The following PRR9 variants were observed in gnomAD, a reference collection of about 807,000 sequenced individuals.
PRR9 encodes the protein proline-rich protein 9.
In PRR9, 3 loss-of-function variants were observed where a neutral mutation model predicts 2.6. The ratio of observed to expected loss-of-function variants is 1.15; its 90% confidence interval spans 0.53 to 2.98. The LOEUF is 2.98. PRR9 is among the 30% of genes most tolerant of loss of function. PRR9 has a pLI of 0.03. For missense variants in PRR9, 141 were observed against 132.0 expected (o/e 1.07, Z -0.33); for synonymous variants, 48 against 50.4 (o/e 0.95, Z 0.20).
chr1:153,218,032 C>A, intron 1 of PRR9, 93 bp from the exon 2 acceptor site: 1 of 802,392 alleles, frequency 1.2e-6, no homozygotes. Flanking sequence ...GTTCTTCCAT[C>A]CACTCCTCAT....
Position 153,218,721 on chromosome 1 carries a change from G to T in PRR9, c.*226G>T. 1.9e-6 allele frequency: 1 copy of T among 532,576 alleles called. No individual in the cohort carries two copies. The highest frequency in any genetic ancestry group is 3.3e-5 in the East Asian group (1 of 30,376). The allele number at this position is 532,576 out of a possible 1,614,324, so 33.0% of individuals were successfully genotyped here. A position where few individuals can be genotyped will look rare whatever the true frequency, so the allele number is the denominator to read the frequency against. Reference sequence around the variant, plus strand: ...ATTGTTCTCAGCAGTCTGATGGAAGGTCTCAAATGTAGGAATGGTGTGGTT... The same window carrying T: ...ATTGTTCTCAGCAGTCTGATGGAAGTTCTCAAATGTAGGAATGGTGTGGTT... On this transcript the variant is annotated 3_prime_UTR_variant, in exon 2 of 2. Transcript: ENST00000368744.
chr1:153,218,213 G>C lies in PRR9; in HGVS notation c.69G>C (p.Glu23Asp). The C allele has an allele frequency of 6.4e-7, 1 of 1,550,714 alleles. No homozygotes were observed. Among genetic ancestry groups the C allele is most frequent in the Non-Finnish European group, 8.7e-7 (1 of 1,147,024 alleles). ...VPPPCLPKTQEQCQAKAEEVC... is the reference protein window; with the variant it reads ...VPPPCLPKTQDQCQAKAEEVC... ...CTCCATGCCTCCCAAAGACCCAGGAGCAGTGCCAAGCAAAGGCTGAGGAGG... is the reference window on the plus strand; with the variant it reads ...CTCCATGCCTCCCAAAGACCCAGGACCAGTGCCAAGCAAAGGCTGAGGAGG... The change falls in exon 2 of 2, where the codon GAG becomes GAC. Residue 23 changes from glutamate (E) to aspartate (D), a missense_variant. Coordinates refer to ENST00000368744, the MANE Select transcript of PRR9 (RefSeq NM_001195571.2).
chr1:153,217,760 AT>A, intron 1 of PRR9, 141 bp downstream of exon 1: 1 of 210,880 alleles, frequency 4.7e-6, no homozygotes, highest in East Asian at 1.3e-4. Flanking sequence ...TATCCTGTAT[AT>A]TCTATCCAGA....
Position 153,218,044 on chromosome 1 carries a change from CCT to C in PRR9, c.-20-78_-20-77del, listed in dbSNP as rs1657960294. 7.1e-5 allele frequency: 65 copies of C among 920,914 alleles called. No homozygotes were observed. In the South Asian group the frequency reaches 1.1e-3, roughly 15 times the overall value. The allele number at this position is 920,914 out of a possible 1,614,324, so 57.0% of individuals were successfully genotyped here. A position where few individuals can be genotyped will look rare whatever the true frequency, so the allele number is the denominator to read the frequency against. Reference sequence around the variant, plus strand: ...TTAGTTCTTCCATCCACTCCTCATTCCTCTTTCTCAACCCTTCATTCCCCAGT... The same window carrying C: ...TTAGTTCTTCCATCCACTCCTCATTCCTTTCTCAACCCTTCATTCCCCAGT... On this transcript the variant is annotated intron_variant, in intron 1 of 1. Coordinates refer to ENST00000368744, the MANE Select transcript of PRR9 (RefSeq NM_001195571.2).
At position 153,218,325 on chromosome 1, in the gene PRR9, A is replaced by G; in HGVS notation, c.181A>G (p.Ser61Gly). The G allele has an allele frequency of 6.4e-7, 1 of 1,550,640 alleles. No individual in the cohort carries two copies. Among genetic ancestry groups the G allele is most frequent in the South Asian group, 1.2e-5 (1 of 84,062 alleles). ...ATGTCTTTCTCAGTGCCAGGAATCA[A>G]GTCAAGAAAAATGCCCACAGCAAGG... ...EVCLSQCQESSQEKCPQQGQE... is the reference protein window; with the variant it reads ...EVCLSQCQESGQEKCPQQGQE... Residue 61 changes from serine (S) to glycine (G), a missense_variant, in exon 2 of 2, where the codon AGT becomes GGT. Physicochemically the swap from Ser to Gly is moderately conservative, Grantham distance 56. Coordinates refer to ENST00000368744, the MANE Select transcript of PRR9 (RefSeq NM_001195571.2).
Position 153,218,224 on chromosome 1 carries a change from C to T in PRR9, c.80C>T (p.Ala27Val), listed in dbSNP as rs1198229242. The change falls in exon 2 of 2, where the codon GCA becomes GTA. Residue 27 changes from alanine (A) to valine (V), a missense_variant. Transcript: ENST00000368744. ...CLPKTQEQCQ[A>V]KAEEVCLPTC... ...CCAAAGACCCAGGAGCAGTGCCAAG[C>T]AAAGGCTGAGGAGGTGTGCCTCCCC... The T allele has an allele frequency of 6.4e-7, 1 of 1,550,764 alleles. No homozygotes were observed. The highest frequency in any genetic ancestry group is 8.7e-7 in the Non-Finnish European group (1 of 1,147,028).
In PRR9 at chr1:153,218,113, T is replaced by TA; in HGVS notation, c.-20-12_-20-11insA. 7.3e-7 allele frequency: 1 copy of TA among 1,361,668 alleles called. No individual in the cohort carries two copies. Among genetic ancestry groups the TA allele is most frequent in the Non-Finnish European group, 1.0e-6 (1 of 999,632 alleles). The allele number at this position is 1,361,668 out of a possible 1,614,324, so 84.3% of individuals were successfully genotyped here. A position where few individuals can be genotyped will look rare whatever the true frequency, so the allele number is the denominator to read the frequency against. On this transcript the variant is annotated splice_polypyrimidine_tract_variant and intron_variant, in intron 1 of 1. Transcript: ENST00000368744. Reference sequence around the variant, plus strand: ...TTAATACAGATAATTTCGAATCTTGTGTTTTTTTCAGGCTCTGCAAATCAC... The same window carrying TA: ...TTAATACAGATAATTTCGAATCTTGTAGTTTTTTTCAGGCTCTGCAAATCAC...
At position 153,218,363 on chromosome 1, in the gene PRR9, C is replaced by G. The variant is rs1048339118; in HGVS notation, c.219C>G (p.Tyr73Ter). ...EKCPQQGQEP[Y>*]LPPCQDQCPP... ...GCCCACAGCAAGGCCAAGAGCCATA[C>G]CTACCTCCATGCCAAGACCAGTGTC... Residue 73 changes from tyrosine (Y) to a stop codon, truncating the protein, a stop_gained, in exon 2 of 2, where the codon TAC becomes TAG. Coordinates refer to ENST00000368744, the MANE Select transcript of PRR9 (RefSeq NM_001195571.2). LOFTEE classifies it high-confidence loss of function. 2.6e-5 allele frequency: 41 copies of G among 1,550,524 alleles called. No individual in the cohort carries two copies. Among genetic ancestry groups the G allele is most frequent in the Non-Finnish European group, 3.6e-5 (41 of 1,147,020 alleles).
Position 153,219,195 on chromosome 1 carries a change from A to T in PRR9, c.*700A>T, listed in dbSNP as rs1557783526. On this transcript the variant is annotated 3_prime_UTR_variant, in exon 2 of 2. Transcript: ENST00000368744. ...TGGGCCCTTAGTTCTCACCATGTAC[A>T]CTCTTTAGAGATGTGATTTGTGTCT... is the stretch of plus-strand genomic sequence containing the variant. The T allele has an allele frequency of 6.0e-6, 1 of 166,972 alleles. No individual in the cohort carries two copies. Among genetic ancestry groups the T allele is most frequent in the Non-Finnish European group, 1.5e-5 (1 of 68,278 alleles). The allele number at this position is 166,972 out of a possible 1,614,324, so 10.3% of individuals were successfully genotyped here.
chr1:153,218,529 C>A lies in PRR9; in HGVS notation c.*34C>A. ...ATGTCATCTGGGTTCAAGAAGATGG[C>A]CAGCAGATGAAACCCTGACCCCAGC... On this transcript the variant is annotated 3_prime_UTR_variant, in exon 2 of 2. Transcript: ENST00000368744. The A allele has an allele frequency of 1.4e-6, 2 of 1,478,020 alleles. No homozygotes were observed. Among genetic ancestry groups the A allele is most frequent in the Admixed American group, 2.0e-5 (1 of 49,254 alleles). 91.6% of individuals were successfully genotyped at this position (1,478,020 alleles called of 1,614,324 possible).
At chr1:153,217,910 C>T (rs1458928668) in intron 1 of PRR9, among the ~76,000 whole-genome samples, 1 of 152,094 alleles carries the variant, frequency 6.6e-6, no homozygotes, top group African/African-American at 2.4e-5. Flanking sequence ...GGAGAACACT[C>T]CCACTTTGGA....
chr1:153,218,294 G>A lies in PRR9; in HGVS notation c.150G>A (p.Gln50=). The change falls in exon 2 of 2, where the codon CAG becomes CAA. Residue 50 remains glutamine (Q), a synonymous_variant. Coordinates refer to ENST00000368744, the MANE Select transcript of PRR9 (RefSeq NM_001195571.2). ...AAGATAAGTGTCTAGTGCAGGCCCAGGAGGTATGTCTTTCTCAGTGCCAGG... is the reference window on the plus strand; with the variant it reads ...AAGATAAGTGTCTAGTGCAGGCCCAAGAGGTATGTCTTTCTCAGTGCCAGG... ...PCQDKCLVQA[Q]EVCLSQCQES... 1.3e-6 allele frequency: 2 copies of A among 1,550,584 alleles called. No individual in the cohort carries two copies. The highest frequency in any genetic ancestry group is 1.7e-6 in the Non-Finnish European group (2 of 1,146,998).
At chr1:153,217,867 G>A (rs983530963) in intron 1 of PRR9, among the ~76,000 whole-genome samples, 4 of 152,164 alleles carry the variant, frequency 2.6e-5, no homozygotes, top group African/African-American at 7.2e-5. Flanking sequence ...GTAAGACTGG[G>A]GTTTGGAGCT....
Position 153,218,774 on chromosome 1 carries a change from C to T in PRR9, c.*279C>T, listed in dbSNP as rs1477328378. 4 of 355,886 alleles carry T rather than the reference C, an allele frequency of 1.1e-5. No individual in the cohort carries two copies. Among genetic ancestry groups the T allele is most frequent in the African/African-American group, 6.3e-5 (3 of 47,944 alleles). The allele number at this position is 355,886 out of a possible 1,614,324, so 22.0% of individuals were successfully genotyped here. ...CAGGGAAGACCACAGAAGCCTAGCA[C>T]AGCTTCCTTGGTGCAAAAATTCACC... On this transcript the variant is annotated 3_prime_UTR_variant, in exon 2 of 2. Coordinates refer to ENST00000368744, the MANE Select transcript of PRR9 (RefSeq NM_001195571.2).
In PRR9 at chr1:153,218,518, C is replaced by A; in HGVS notation, c.*23C>A. On this transcript the variant is annotated 3_prime_UTR_variant, in exon 2 of 2. Coordinates refer to ENST00000368744, the MANE Select transcript of PRR9 (RefSeq NM_001195571.2). ...TAGCTGCTCATATGTCATCTGGGTTCAAGAAGATGGCCAGCAGATGAAACC... is the reference window on the plus strand; with the variant it reads ...TAGCTGCTCATATGTCATCTGGGTTAAAGAAGATGGCCAGCAGATGAAACC... The A allele has an allele frequency of 6.6e-7, 1 of 1,512,258 alleles. No homozygotes were observed. Among genetic ancestry groups the A allele is most frequent in the South Asian group, 1.2e-5 (1 of 81,316 alleles). 93.7% of individuals were successfully genotyped at this position (1,512,258 alleles called of 1,614,324 possible).
chr1:153,217,739 G>C, intron 1 of PRR9, 120 bp downstream of exon 1: 1 of 168,878 alleles, frequency 5.9e-6, no homozygotes. Flanking sequence ...CATTTCTTGG[G>C]CCTCACAAAC....
rs1217414435 is a variant in PRR9, at chr1:153,218,212, A to T, written c.68A>T (p.Glu23Val). The change falls in exon 2 of 2, where the codon GAG becomes GTG. Residue 23 changes from glutamate (E) to valine (V), a missense_variant. Glu to Val is a moderately radical substitution (Grantham distance 121). Coordinates refer to ENST00000368744, the MANE Select transcript of PRR9 (RefSeq NM_001195571.2). ...CCTCCATGCCTCCCAAAGACCCAGGAGCAGTGCCAAGCAAAGGCTGAGGAG... is the reference window on the plus strand; with the variant it reads ...CCTCCATGCCTCCCAAAGACCCAGGTGCAGTGCCAAGCAAAGGCTGAGGAG... ...VPPPCLPKTQ[E>V]QCQAKAEEVC... 3 of 1,550,636 alleles carry T rather than the reference A, an allele frequency of 1.9e-6. No homozygotes were observed. The South Asian group carries it at 3.6e-5, about 18-fold the overall frequency.
rs555179505 is a variant in PRR9 at position 153,218,104 on chromosome 1, C to T, written c.-20-21C>T. On this transcript the variant is annotated intron_variant, in intron 1 of 1. Coordinates refer to ENST00000368744, the MANE Select transcript of PRR9 (RefSeq NM_001195571.2). ...CTGATATTTTTAATACAGATAATTT[C>T]GAATCTTGTGTTTTTTTCAGGCTCT... is the stretch of plus-strand genomic sequence containing the variant. 240 of 1,427,478 alleles carry T rather than the reference C, an allele frequency of 1.7e-4. 1 individual carries two copies. In the Middle Eastern group the frequency reaches 5.7e-3, roughly 34 times the overall value. The allele number at this position is 1,427,478 out of a possible 1,614,324, so 88.4% of individuals were successfully genotyped here.
At position 153,218,533 on chromosome 1, in the gene PRR9, C is replaced by T; in HGVS notation, c.*38C>T. The T allele has an allele frequency of 6.9e-7, 1 of 1,455,134 alleles. No homozygotes were observed. The highest frequency in any genetic ancestry group is 1.3e-5 in the South Asian group (1 of 77,742). The allele number at this position is 1,455,134 out of a possible 1,614,324, so 90.1% of individuals were successfully genotyped here. On this transcript the variant is annotated 3_prime_UTR_variant, in exon 2 of 2. Coordinates refer to ENST00000368744, the MANE Select transcript of PRR9 (RefSeq NM_001195571.2). ...CATCTGGGTTCAAGAAGATGGCCAG[C>T]AGATGAAACCCTGACCCCAGCCCAC...
Sources: allele counts gnomAD v4.1 joint callset (sites outside exome capture counted in the v4.1 genomes callset), GRCh38; gene constraint gnomAD v4.1.1; transcripts MANE v1.5; gene names NCBI Gene and HGNC (gene_info 2026-07-23, HGNC 2026-07-21).